Variants in FBXO40 observed in about 807,000 individuals in gnomAD.
FBXO40 encodes the protein F-box protein 40.
FBXO40 carries 50 observed loss-of-function variants against 49.9 expected under a neutral mutation model. The ratio of observed to expected loss-of-function variants is 1.00; its 90% CI spans 0.80 to 1.27. The LOEUF (loss-of-function observed/expected upper bound fraction) is 1.27, where lower values mean the gene tolerates loss of function less well. Among genes scored for constraint, FBXO40 ranks in the 50% most tolerant of loss-of-function variants. The pLI, the probability that FBXO40 is intolerant of heterozygous loss-of-function variation, is 0.00. For missense variants in FBXO40, 895 were observed against 870.1 expected, an observed-to-expected ratio of 1.03 and a Z score of -0.36; for synonymous variants, 340 against 320.2, an observed-to-expected ratio of 1.06 and a Z score of -0.66.
intron 1 of FBXO40, among the ~76,000 whole-genome samples, chr3:121,600,904 TAAGGATCC>T (rs1178994095): frequency 3.1e-4 from 47 of 152,300 alleles, no homozygotes; most frequent in Non-Finnish European, 5.0e-4. Context: ...CCATGGGGGA[TAAGGATCC>T]TGTTACTGGG....
chr3:121,607,300 CTTTTTTTTTTTTTT>C (rs555162944), intron 1 of FBXO40, among the ~76,000 whole-genome samples: 1 of 60,128 alleles, frequency 1.7e-5, no homozygotes, highest in African/African-American at 6.6e-5. Context: ...CTCTAAAGCT[CTTTTTTTTTTTTTT>C]TTTTTTTTTT....
At chr3:121,620,236 A>C (rs1484406900) in intron 1 of FBXO40, among the ~76,000 whole-genome samples, 2 of 152,238 alleles carry the variant, frequency 1.3e-5, no homozygotes, top group Non-Finnish European at 2.9e-5. Flanking sequence ...AGAAAGTTAT[A>C]GGAAGCAGAA....
intron 1 of FBXO40, among the ~76,000 whole-genome samples, chr3:121,613,071 GA>G (rs34114730): frequency 0.11 from 14,857 of 129,260 alleles, 784 homozygotes; most frequent in East Asian, 0.13. Context: ...CTCCGTCTCA[GA>G]AAAAAAAAAA....
chr3:121,618,783 T>C (rs780841466), intron 1 of FBXO40, among the ~76,000 whole-genome samples: 1 of 151,306 alleles, frequency 6.6e-6, no homozygotes, highest in Non-Finnish European at 1.5e-5. Flanking sequence ...CAGGGAGAGA[T>C]TGAGAGAGAG....
Position 121,623,095 on chromosome 3 carries a change from G to A in FBXO40, c.1666G>A (p.Gly556Arg). Residue 556 changes from glycine to arginine, a missense_variant, in exon 3 of 4, where the codon GGA becomes AGA. Physicochemically the swap from Gly to Arg is moderately radical, Grantham distance 125. Transcript: ENST00000338040. ...GGAGGTTGCTCCAGAGCTGAGCGAG[G>A]GAAGGAAGAACAACCATCTTTTGGG... ...KPEVAPELSE[G>R]RKNNHLLGHG... 5.0e-6 allele frequency: 8 copies of A among 1,614,214 alleles called. No individual in the cohort carries two copies. The highest frequency in any genetic ancestry group is 6.8e-6 in the Non-Finnish European group (8 of 1,180,038).
rs146315916 is a variant in FBXO40, at chr3:121,621,518, A to G, written c.89A>G (p.Asn30Ser). ...CACTGCCACATTCCTGTGGAACCCA[A>G]CACCTCCTGCCTGGTAATAAGCTGC... is the stretch of plus-strand genomic sequence containing the variant. Reference protein sequence around the residue: ...NRHCHIPVEPNTSCLVISCHL... With the variant: ...NRHCHIPVEPSTSCLVISCHL... The change falls in exon 3 of 4, where the codon AAC becomes AGC. Residue 30 changes from asparagine (N) to serine (S), a missense_variant. Physicochemically the swap from Asn to Ser is conservative, Grantham distance 46. Coordinates refer to ENST00000338040, the MANE Select transcript of FBXO40 (RefSeq NM_016298.4). 6.2e-6 allele frequency: 10 copies of G among 1,614,208 alleles called. No individual in the cohort carries two copies. Among genetic ancestry groups the G allele is most frequent in the African/African-American group, 1.3e-5 (1 of 75,054 alleles).
rs1410304579 is a variant in FBXO40 at position 121,623,324 on chromosome 3, C to T, written c.1895C>T (p.Ser632Phe). ...AAGAGGTATTCCCATGGAGGCACCT[C>T]CTGGAGAGTCCACAGAGAGGTAAGT... ...KKKRYSHGGT[S>F]WRVHREIWQF... Residue 632 changes from serine to phenylalanine, a missense_variant, in exon 3 of 4, where the codon TCC (serine) becomes TTC (phenylalanine). Transcript: ENST00000338040. 1.2e-6 allele frequency: 2 copies of T among 1,613,806 alleles called. No homozygotes were observed. The highest frequency in any genetic ancestry group is 1.7e-6 in the Non-Finnish European group (2 of 1,179,796).
Position 121,627,086 on chromosome 3 carries a change from G to A in FBXO40, c.*176G>A. The A allele has an allele frequency of 1.6e-6, 1 of 611,498 alleles. No homozygotes were observed. The highest frequency in any genetic ancestry group is 2.0e-5 in the South Asian group (1 of 50,324). The allele number at this position is 611,498 out of a possible 1,614,324, so 37.9% of individuals were successfully genotyped here. A position where few individuals can be genotyped will look rare whatever the true frequency, so the allele number is the denominator to read the frequency against. On this transcript the variant is annotated 3_prime_UTR_variant, in exon 4 of 4. Transcript: ENST00000338040. The stretch of plus-strand genomic sequence containing the variant: ...AACACGAGGCCTAAGAATTTCCTAA[G>A]CCATGTCTTGTACCATAGTGCCACA...
chr3:121,625,628 T>G (rs1008411882), intron 3 of FBXO40, among the ~76,000 whole-genome samples: 10 of 152,208 alleles, frequency 6.6e-5, no homozygotes, highest in African/African-American at 2.2e-4. Flanking sequence ...ATGTAAATAA[T>G]TTAATTTAGA....
intron 1 of FBXO40, among the ~76,000 whole-genome samples, chr3:121,595,429 T>G (rs774284991): frequency 1.4e-4 from 22 of 152,214 alleles, no homozygotes; most frequent in Non-Finnish European, 2.8e-4. Flanking sequence ...TTTAGCACTA[T>G]CTTGGCCAAT....
chr3:121,611,338 G>T (rs1015933022), intron 1 of FBXO40, among the ~76,000 whole-genome samples: 1 of 152,198 alleles, frequency 6.6e-6, no homozygotes, highest in Admixed American at 6.5e-5. Context: ...AGGGCAAGGT[G>T]ATAATAAGGA....
chr3:121,606,593 T>C (rs1576451347), intron 1 of FBXO40, among the ~76,000 whole-genome samples: 2 of 152,302 alleles, frequency 1.3e-5, no homozygotes, highest in South Asian at 2.1e-4. Context: ...TTGTCCTAGA[T>C]TGATAACATA....
chr3:121,616,567 T>C (rs2048998425), intron 1 of FBXO40, among the ~76,000 whole-genome samples: 1 of 152,250 alleles, frequency 6.6e-6, no homozygotes, highest in African/African-American at 2.4e-5. Context: ...GACTTTCATA[T>C]TGACCAGTGC....
rs369423447 is a variant in FBXO40, at chr3:121,622,685, T to C, written c.1256T>C (p.Ile419Thr). Residue 419 changes from isoleucine to threonine, a missense_variant, in exon 3 of 4, where the codon ATT becomes ACT. Transcript: ENST00000338040. ...KGHVISESRS[I>T]DGLFMDFATQ... ...CACGTCATCTCTGAATCCAGAAGCA[T>C]TGATGGACTGTTCATGGATTTTGCC... is the stretch of plus-strand genomic sequence containing the variant. 5.1e-5 allele frequency: 82 copies of C among 1,614,070 alleles called. No individual in the cohort carries two copies. The highest frequency in any genetic ancestry group is 4.9e-4 in the Middle Eastern group (3 of 6,084).
chr3:121,616,908 C>T (rs1292498668), intron 1 of FBXO40, among the ~76,000 whole-genome samples: 1 of 152,112 alleles, frequency 6.6e-6, no homozygotes, highest in Non-Finnish European at 1.5e-5. Context: ...TAAAGCCAGA[C>T]ATAGAAAGAC....
chr3:121,617,914 C>T (rs1258136836), intron 1 of FBXO40, among the ~76,000 whole-genome samples: 1 of 152,048 alleles, frequency 6.6e-6, no homozygotes, highest in Non-Finnish European at 1.5e-5. Context: ...GCAGAAGAAT[C>T]GCTTGAACCC....
chr3:121,613,436 G>A (rs1360133005), intron 1 of FBXO40, among the ~76,000 whole-genome samples: 1 of 152,206 alleles, frequency 6.6e-6, no homozygotes, highest in Non-Finnish European at 1.5e-5. Flanking sequence ...TGGGCAAGCT[G>A]TAACTTGGGA....
intron 3 of FBXO40, among the ~76,000 whole-genome samples, chr3:121,625,116 C>G (rs551187052): frequency 3.0e-4 from 45 of 152,286 alleles, no homozygotes; most frequent in African/African-American, 7.5e-4. Context: ...ATCAAAGAAC[C>G]TTTCCCTTCA....
intron 1 of FBXO40, among the ~76,000 whole-genome samples, chr3:121,611,102 G>A (rs779191618): frequency 6.6e-5 from 10 of 152,182 alleles, no homozygotes; most frequent in Non-Finnish European, 7.3e-5. Context: ...TAAATCATAT[G>A]TTGAAGGGGT....
Sources: allele counts gnomAD v4.1 joint callset (sites outside exome capture counted in the v4.1 genomes callset), GRCh38; gene constraint gnomAD v4.1.1; transcripts MANE v1.5; gene names NCBI Gene and HGNC (gene_info 2026-07-23, HGNC 2026-07-21).